SLC14A2: variants seen among roughly 807,000 people sequenced by gnomAD.
SLC14A2 encodes the protein urea transporter 2.
SLC14A2 carries 91 observed loss-of-function variants against 104.6 expected under a neutral mutation model. That is an observed-to-expected ratio of 0.87 (90% confidence interval 0.73 to 1.04). SLC14A2 has a LOEUF of 1.04. Ranked by LOEUF, SLC14A2 falls within the 50% of genes least tolerant of loss-of-function variation. The probability of loss-of-function intolerance (pLI) is 0.00; values close to 1 mark genes in which losing one functional copy is unlikely to be tolerated. For synonymous variants in SLC14A2, 476 were observed against 466.4 expected, an observed-to-expected ratio of 1.02 and a Z score of -0.27; for missense variants, 1,189 against 1,156.0, an observed-to-expected ratio of 1.03 and a Z score of -0.41.
intron 1 of SLC14A2, among the ~76,000 whole-genome samples, chr18:45,445,981 A>G (rs2086763024): frequency 6.6e-6 from 1 of 152,222 alleles, no homozygotes; most frequent in African/African-American, 2.4e-5. Context: ...GTAAGCAAAG[A>G]CATTAAAGCC....
chr18:45,669,476 G>A lies in SLC14A2; in HGVS notation c.2207G>A (p.Trp736Ter), dbSNP rs2046092242. Reference sequence around the variant, plus strand: ...GCATCCGCCATGCCCAACATCACCTGGTCAGAGGTCCAAGTGCCCTTGGTA... The same window carrying A: ...GCATCCGCCATGCCCAACATCACCTAGTCAGAGGTCCAAGTGCCCTTGGTA... ...QPASAMPNIT[W>*]SEVQVPLLLR... Residue 736 changes from tryptophan (W) to a stop codon, truncating the protein, a stop_gained, in exon 16 of 20, where the codon TGG (tryptophan) becomes TAG (stop). Transcript: ENST00000255226. LOFTEE classifies it high-confidence loss of function. 1.2e-6 allele frequency: 2 copies of A among 1,613,612 alleles called. No homozygotes were observed. The highest frequency in any genetic ancestry group is 1.7e-6 in the Non-Finnish European group (2 of 1,179,748).
chr18:45,206,963 T>C, the SLC14A2 span, among the ~76,000 whole-genome samples: 2 of 152,222 alleles, frequency 1.3e-5, no homozygotes, highest in Non-Finnish European at 2.9e-5. Flanking sequence ...TCAGAGAATG[T>C]GTATTGCCCC....
At chr18:45,398,214 C>T (rs1000508958) in intron 1 of SLC14A2, among the ~76,000 whole-genome samples, 2 of 152,162 alleles carry the variant, frequency 1.3e-5, no homozygotes, top group African/African-American at 4.8e-5. Flanking sequence ...CTTTCTGAGT[C>T]TAAAGCTCTT....
At chr18:45,491,125 T>G (rs1402072127) in intron 2 of SLC14A2, among the ~76,000 whole-genome samples, 1 of 152,218 alleles carries the variant, frequency 6.6e-6, no homozygotes, top group Non-Finnish European at 1.5e-5. Flanking sequence ...AGAAAAACTC[T>G]TACTCCGGTG....
At chr18:45,206,904 A>G in the SLC14A2 span, among the ~76,000 whole-genome samples, 1 of 152,198 alleles carries the variant, frequency 6.6e-6, no homozygotes, top group Admixed American at 6.5e-5. Context: ...GGGCCTTTAT[A>G]TGGACTCCAA....
intron 2 of SLC14A2, among the ~76,000 whole-genome samples, chr18:45,532,127 G>T (rs2043701994): frequency 6.6e-6 from 1 of 152,180 alleles, no homozygotes; most frequent in East Asian, 1.9e-4. Context: ...TTTGAAGTCA[G>T]GTAGCATGAT....
chr18:45,228,110 A>T (rs1452436367), intron 1 of SLC14A2, among the ~76,000 whole-genome samples: 2 of 152,132 alleles, frequency 1.3e-5, no homozygotes, highest in East Asian at 3.9e-4. Flanking sequence ...GATTAAAGGG[A>T]TTAAGGGTAA....
intron 2 of SLC14A2, among the ~76,000 whole-genome samples, chr18:45,588,013 G>T (rs983767368): frequency 1.3e-5 from 2 of 152,174 alleles, no homozygotes; most frequent in Non-Finnish European, 2.9e-5. Context: ...GGGCAGCAGG[G>T]AGATGATTGA....
At chr18:45,422,598 G>A (rs893805575) in intron 1 of SLC14A2, among the ~76,000 whole-genome samples, 1 of 152,166 alleles carries the variant, frequency 6.6e-6, no homozygotes, top group Non-Finnish European at 1.5e-5. Context: ...ATCACCCACA[G>A]AGCAGCCTGT....
intron 1 of SLC14A2, among the ~76,000 whole-genome samples, chr18:45,464,567 T>G (rs2087105404): frequency 6.6e-6 from 1 of 152,214 alleles, no homozygotes; most frequent in African/African-American, 2.4e-5. Context: ...TGGCAGATGT[T>G]CAGGTGGAGA....
At chr18:45,421,423 A>G (rs752558357) in intron 1 of SLC14A2, among the ~76,000 whole-genome samples, 3 of 152,186 alleles carry the variant, frequency 2.0e-5, no homozygotes, top group Non-Finnish European at 4.4e-5. Context: ...AACAAACACA[A>G]TTGATTCTTG....
chr18:45,244,356 GT>G (rs2084348265), intron 1 of SLC14A2, among the ~76,000 whole-genome samples: 1 of 152,228 alleles, frequency 6.6e-6, no homozygotes, highest in Non-Finnish European at 1.5e-5. Context: ...GCTGGGCGCA[GT>G]GGCTCATGCC....
intron 2 of SLC14A2, among the ~76,000 whole-genome samples, chr18:45,551,517 C>A (rs1250530356): frequency 2.0e-5 from 3 of 152,218 alleles, no homozygotes; most frequent in Non-Finnish European, 4.4e-5. Context: ...CAGGTTCTGT[C>A]TGGGCCGGCC....
chr18:45,259,324 T>A (rs1333407221), intron 1 of SLC14A2, among the ~76,000 whole-genome samples: 5 of 152,112 alleles, frequency 3.3e-5, no homozygotes, highest in African/African-American at 7.2e-5. Flanking sequence ...TGGAGAGAAA[T>A]GACAACCCAG....
chr18:45,620,822 C>A (rs985340413), intron 1 of SLC14A2, among the ~76,000 whole-genome samples: 1 of 152,164 alleles, frequency 6.6e-6, no homozygotes, highest in Admixed American at 6.5e-5. Context: ...TTTCTAAAAT[C>A]AGGATGCATC....
chr18:45,241,643 T>C (rs1183674406), intron 1 of SLC14A2, among the ~76,000 whole-genome samples: 21 of 104,642 alleles, frequency 2.0e-4, no homozygotes, highest in Admixed American at 1.7e-3. Context: ...TTTTCTCTTT[T>C]TTTTTTTTTT....
At chr18:45,565,175 AGGGCAGT>A in intron 2 of SLC14A2, among the ~76,000 whole-genome samples, 1 of 150,826 alleles carries the variant, frequency 6.6e-6, no homozygotes. Context: ...CCCAGGCTGA[AGGGCAGT>A]GGCATGATCT....
At chr18:45,628,732 A>G (rs1375105811) in intron 4 of SLC14A2, among the ~76,000 whole-genome samples, 1 of 152,206 alleles carries the variant, frequency 6.6e-6, no homozygotes, top group Non-Finnish European at 1.5e-5. Flanking sequence ...TATATATGGT[A>G]ATGGTAAGTA....
In SLC14A2 at chr18:45,355,893, T is replaced by C. The variant is rs1294091743; in HGVS notation, c.-124-127340T>C. On this transcript the variant is annotated intron_variant, in intron 1 of 20. Coordinates refer to the SLC14A2 transcript ENST00000586448. ...AGTTAAAGAGACCTAGATGGGTTAA[T>C]CTCAACCAAGGTATAAGGCAGGAGC... 2.0e-5 allele frequency among the ~76,000 whole-genome samples: 3 copies of C among 152,176 alleles called. No individual in the cohort carries two copies. In the East Asian group the frequency reaches 5.8e-4, roughly 29 times the overall value.
Sources: gnomAD v4.1 joint callset for allele counts (sites outside exome capture counted in the v4.1 genomes callset) on GRCh38, gnomAD v4.1.1 for gene constraint, MANE v1.5 for transcripts, NCBI Gene and HGNC (gene_info 2026-07-23, HGNC 2026-07-21) for gene names.